The following DECR1 variants were observed in gnomAD, a reference collection of about 807,000 sequenced individuals.
DECR1 encodes 2,4-dienoyl-CoA reductase [(3E)-enoyl-CoA-producing], mitochondrial.
A neutral mutation model predicts 38.8 loss-of-function variants in DECR1; 44 were observed. The ratio of observed to expected loss-of-function variants is 1.13; its 90% confidence interval spans 0.89 to 1.46. The LOEUF (loss-of-function observed/expected upper bound fraction) is 1.46, where lower values mean the gene tolerates loss of function less well. DECR1 is among the 40% of genes most tolerant of loss of function. DECR1 has a pLI of 0.00. For synonymous variants in DECR1, 148 were observed against 135.2 expected (o/e 1.09, Z -0.66); for missense variants, 428 against 405.5 (o/e 1.06, Z -0.48).
At chr8:90,010,261 C>T (rs1236288755) in intron 1 of DECR1, among the ~76,000 whole-genome samples, 1 of 152,196 alleles carries the variant, frequency 6.6e-6, no homozygotes, top group Non-Finnish European at 1.5e-5. Context: ...TGGTGTGGTA[C>T]TCAGTTATTT....
intron 5 of DECR1, among the ~76,000 whole-genome samples, chr8:90,034,851 A>T (rs1813581329): frequency 6.6e-6 from 1 of 152,158 alleles, no homozygotes; most frequent in South Asian, 2.1e-4. Flanking sequence ...CAATCATTTT[A>T]AAAAGAAATT....
Position 90,027,702 on chromosome 8 carries a change from C to T in DECR1, c.565+6646C>T, listed in dbSNP as rs150999204. ...GCCAGTCTGTGTCTTTTAATTGGAG[C>T]ATTTAGCCCATTTACATTTAAGATT... On this transcript the variant is annotated intron_variant, in intron 5 of 9. Coordinates refer to ENST00000220764, the MANE Select transcript of DECR1 (RefSeq NM_001359.2). 5.0e-3 allele frequency among the ~76,000 whole-genome samples: 753 copies of T among 151,870 alleles called. 9 individuals are homozygous for T. The highest frequency in any genetic ancestry group is 0.017 in the African/African-American group (688 of 41,418).
intron 2 of DECR1, among the ~76,000 whole-genome samples, chr8:90,018,168 G>A (rs1252148873): frequency 4.6e-5 from 7 of 152,198 alleles, no homozygotes; most frequent in African/African-American, 1.4e-4. Flanking sequence ...GATTACAGGC[G>A]TGAGCCACCG....
intron 5 of DECR1, among the ~76,000 whole-genome samples, chr8:90,028,487 A>G (rs1813410954): frequency 1.3e-5 from 2 of 152,214 alleles, no homozygotes; most frequent in South Asian, 4.1e-4. Flanking sequence ...AGTCACATGG[A>G]TTACTTTATA....
intron 1 of DECR1, chr8:90,006,394 T>C: frequency 1.5e-6 from 1 of 688,052 alleles, no homozygotes; most frequent in Non-Finnish European, 2.7e-6. Context: ...AGGAGAGTAG[T>C]CTATGTGAAG....
intron 1 of DECR1, among the ~76,000 whole-genome samples, chr8:90,011,585 A>G (rs1200286819): frequency 6.6e-6 from 1 of 152,188 alleles, no homozygotes; most frequent in Non-Finnish European, 1.5e-5. Flanking sequence ...CCATGAACAT[A>G]TAATGTCTTT....
At chr8:90,043,093 A>G (rs1813803536) in intron 7 of DECR1, among the ~76,000 whole-genome samples, 1 of 152,084 alleles carries the variant, frequency 6.6e-6, no homozygotes, top group Admixed American at 6.6e-5. Context: ...GTGGTCTGTT[A>G]TTGTCCTGTA....
In DECR1 at chr8:90,036,829, T is replaced by C. The variant is rs770025457; in HGVS notation, c.566-12T>C. 98 of 1,590,614 alleles carry C rather than the reference T, an allele frequency of 6.2e-5. No individual in the cohort carries two copies. The highest frequency in any genetic ancestry group is 6.7e-5 in the African/African-American group (5 of 74,388). The stretch of plus-strand genomic sequence containing the variant: ...TATATTGCTAATCAACTGTATCCTT[T>C]TAAAATTTCAGGAGCAGCATTTCTT... On this transcript the variant is annotated splice_polypyrimidine_tract_variant and intron_variant, in intron 5 of 9. Coordinates refer to ENST00000220764, the MANE Select transcript of DECR1 (RefSeq NM_001359.2).
intron 1 of DECR1, among the ~76,000 whole-genome samples, chr8:90,002,440 G>A (rs1290456145): frequency 6.6e-6 from 1 of 151,908 alleles, no homozygotes; most frequent in African/African-American, 2.4e-5. Flanking sequence ...CACCCATAGT[G>A]GAAATAGCTA....
chr8:90,048,037 G>C (rs954856960), intron 8 of DECR1, among the ~76,000 whole-genome samples: 1 of 152,208 alleles, frequency 6.6e-6, no homozygotes, highest in African/African-American at 2.4e-5. Context: ...TTAAAGCAGT[G>C]TGTAGAGGGA....
intron 6 of DECR1, 37 bp downstream of exon 6, chr8:90,036,977 A>G (rs1313864455): frequency 4.9e-6 from 7 of 1,440,466 alleles, no homozygotes; most frequent in South Asian, 2.3e-5. Flanking sequence ...GCTGAACATA[A>G]CTAATACAGT....
At chr8:90,037,870 G>C (rs948381297) in intron 6 of DECR1, among the ~76,000 whole-genome samples, 20 of 151,964 alleles carry the variant, frequency 1.3e-4, no homozygotes, top group African/African-American at 4.6e-4. Flanking sequence ...TTTACTACCA[G>C]TCTCTTCCCC....
intron 6 of DECR1, among the ~76,000 whole-genome samples, chr8:90,040,361 C>T (rs2130140185): frequency 6.6e-6 from 1 of 152,282 alleles, no homozygotes; most frequent in South Asian, 2.1e-4. Flanking sequence ...GTCAGATTAA[C>T]AGGCTATCTT....
chr8:90,011,675 T>C (rs1812885874), intron 1 of DECR1, among the ~76,000 whole-genome samples: 1 of 152,198 alleles, frequency 6.6e-6, no homozygotes, highest in Non-Finnish European at 1.5e-5. Flanking sequence ...TTATTAAATG[T>C]ATTAGTATTC....
chr8:90,017,558 A>G (rs531972118), intron 2 of DECR1, among the ~76,000 whole-genome samples: 77 of 152,294 alleles, frequency 5.1e-4, no homozygotes, highest in Non-Finnish European at 9.0e-4. Context: ...AACATCCGCA[A>G]TTTTCATTAT....
At chr8:90,002,656 T>A (rs1163460096) in intron 1 of DECR1, among the ~76,000 whole-genome samples, 1 of 152,208 alleles carries the variant, frequency 6.6e-6, no homozygotes, top group Non-Finnish European at 1.5e-5. Context: ...ATGGTGTTGT[T>A]TTTCAAAAAA....
chr8:90,029,707 C>T (rs921487759), intron 5 of DECR1, among the ~76,000 whole-genome samples: 2 of 152,114 alleles, frequency 1.3e-5, no homozygotes, highest in South Asian at 2.1e-4. Context: ...ATGTGTGAAC[C>T]GTAAACACAA....
intron 2 of DECR1, among the ~76,000 whole-genome samples, chr8:90,017,979 C>T (rs1298147531): frequency 5.3e-5 from 8 of 152,142 alleles, no homozygotes; most frequent in Non-Finnish European, 1.0e-4. Flanking sequence ...CTCCGCCTCC[C>T]GGGTTCAAGC....
intron 5 of DECR1, among the ~76,000 whole-genome samples, chr8:90,036,528 G>A (rs1813619615): frequency 6.6e-6 from 1 of 152,118 alleles, no homozygotes; most frequent in African/African-American, 2.4e-5. Flanking sequence ...CTTAGTTAAT[G>A]GGAATCCTGA....
Sources: allele counts gnomAD v4.1 joint callset (sites outside exome capture counted in the v4.1 genomes callset), GRCh38; gene constraint gnomAD v4.1.1; transcripts MANE v1.5; gene names NCBI Gene and HGNC (gene_info 2026-07-23, HGNC 2026-07-21).